The following DNAAF9 variants were observed in gnomAD, a reference collection of about 807,000 sequenced individuals.
DNAAF9 encodes dynein axonemal assembly factor 9.
DNAAF9 carries 90 observed loss-of-function variants against 167.0 expected under a neutral mutation model. The observed-to-expected ratio is 0.54, with a 90% CI of 0.45 to 0.64. DNAAF9 has a LOEUF of 0.64. DNAAF9 is among the 30% of genes least tolerant of loss of function. DNAAF9 has a pLI of 0.00. For missense variants in DNAAF9, 1,315 were observed against 1,442.2 expected, an observed-to-expected ratio of 0.91 and a Z score of 1.43; for synonymous variants, 491 against 508.8, an observed-to-expected ratio of 0.96 and a Z score of 0.47.
At chr20:3,334,933 T>C (rs918908535) in intron 10 of DNAAF9, among the ~76,000 whole-genome samples, 3 of 152,212 alleles carry the variant, frequency 2.0e-5, no homozygotes, top group African/African-American at 7.2e-5. Flanking sequence ...AAGGCAAAGA[T>C]CATGACTATC....
intron 28 of DNAAF9, among the ~76,000 whole-genome samples, chr20:3,279,351 G>T (rs993957056): frequency 2.0e-5 from 3 of 152,198 alleles, no homozygotes; most frequent in African/African-American, 7.2e-5. Context: ...AAGCTGCCAT[G>T]CTTCTCTTTA....
intron 29 of DNAAF9, among the ~76,000 whole-genome samples, chr20:3,276,078 T>C (rs924817808): frequency 2.0e-5 from 3 of 152,204 alleles, no homozygotes; most frequent in Non-Finnish European, 4.4e-5. Context: ...GGCTGCAACA[T>C]AGTCCTTTTC....
At chr20:3,354,875 A>C (rs150967885) in intron 7 of DNAAF9, among the ~76,000 whole-genome samples, 2 of 152,338 alleles carry the variant, frequency 1.3e-5, no homozygotes, top group Middle Eastern at 3.4e-3. Context: ...AGAAGTCAGA[A>C]AACTAGGAAA....
chr20:3,340,453 C>CCCCCCCCCCCA, intron 10 of DNAAF9, 51 bp downstream of exon 10: 1 of 1,001,258 alleles, frequency 1.0e-6, no homozygotes, highest in Non-Finnish European at 1.4e-6. Flanking sequence ...CACCCCACCC[C>CCCCCCCCCCCA]CACAACTTGA....
chr20:3,268,901 T>C (rs1365713425), intron 30 of DNAAF9, among the ~76,000 whole-genome samples: 1 of 84,922 alleles, frequency 1.2e-5, no homozygotes, highest in African/African-American at 4.5e-5. Context: ...ATGTTACTTT[T>C]TTTTTTTTTT....
chr20:3,283,336 C>A (rs868627117), intron 27 of DNAAF9, among the ~76,000 whole-genome samples: 10 of 152,300 alleles, frequency 6.6e-5, no homozygotes, highest in African/African-American at 2.4e-4. Flanking sequence ...TAAAAAGGCC[C>A]TTGGCTTTAT....
At chr20:3,282,842 A>G (rs2068785585) in intron 27 of DNAAF9, among the ~76,000 whole-genome samples, 1 of 152,144 alleles carries the variant, frequency 6.6e-6, no homozygotes, top group Admixed American at 6.5e-5. Context: ...CTCAGGCGGC[A>G]TCTTACGGAC....
chr20:3,354,527 C>T (rs561139531), intron 7 of DNAAF9, among the ~76,000 whole-genome samples: 65 of 152,296 alleles, frequency 4.3e-4, no homozygotes, highest in African/African-American at 1.5e-3. Context: ...AGGCAAGGAC[C>T]GGCTTAAATA....
At chr20:3,366,219 A>C (rs983853321) in intron 6 of DNAAF9, among the ~76,000 whole-genome samples, 1 of 152,210 alleles carries the variant, frequency 6.6e-6, no homozygotes, top group Non-Finnish European at 1.5e-5. Context: ...CTTAAATAAT[A>C]AGCCTTGAAA....
chr20:3,360,973 C>T (rs185281989), intron 6 of DNAAF9, among the ~76,000 whole-genome samples: 4 of 152,260 alleles, frequency 2.6e-5, no homozygotes, highest in East Asian at 3.9e-4. Context: ...CTAAAAACAA[C>T]GCATCAGCCA....
intron 20 of DNAAF9, among the ~76,000 whole-genome samples, chr20:3,313,804 A>G (rs975320897): frequency 5.3e-5 from 8 of 152,206 alleles, no homozygotes; most frequent in Non-Finnish European, 1.2e-4. Flanking sequence ...CTTTCACTGA[A>G]AAAGGAAGGA....
intron 6 of DNAAF9, 103 bp from the exon 7 acceptor site, chr20:3,359,696 T>G: frequency 1.3e-6 from 1 of 745,720 alleles, no homozygotes; most frequent in South Asian, 1.9e-5. Context: ...TATAAACTAG[T>G]GTGAACAGAA....
intron 27 of DNAAF9, among the ~76,000 whole-genome samples, chr20:3,286,440 A>T (rs1600708136): frequency 6.6e-6 from 1 of 152,306 alleles, no homozygotes; most frequent in East Asian, 1.9e-4. Flanking sequence ...TGCTGAATTC[A>T]CCTCCAGGTC....
chr20:3,318,440 C>A, intron 16 of DNAAF9, 40 bp from the exon 17 acceptor site: 1 of 992,054 alleles, frequency 1.0e-6, no homozygotes, highest in Non-Finnish European at 1.6e-6. Flanking sequence ...GTTACCAGCC[C>A]AAAACTTTCA....
At chr20:3,300,287 T>TCAC (rs777417837) in intron 21 of DNAAF9, among the ~76,000 whole-genome samples, 2 of 140,666 alleles carry the variant, frequency 1.4e-5, no homozygotes, top group African/African-American at 2.5e-5. Flanking sequence ...CAGTATTGTC[T>TCAC]TAATAGTAAG....
chr20:3,297,067 T>C (rs111836642), intron 22 of DNAAF9, 118 bp from the exon 23 acceptor site: 14 of 660,324 alleles, frequency 2.1e-5, no homozygotes, highest in African/African-American at 7.2e-5. Flanking sequence ...AAAATGACTA[T>C]AACAAACAAG....
chr20:3,341,000 G>C (rs182148246), intron 9 of DNAAF9, among the ~76,000 whole-genome samples: 139 of 152,268 alleles, frequency 9.1e-4, no homozygotes, highest in African/African-American at 3.2e-3. Flanking sequence ...AGTCTTAAAG[G>C]ATGACAGTTA....
chr20:3,269,328 C>T (rs2068550381), intron 30 of DNAAF9, among the ~76,000 whole-genome samples: 1 of 151,950 alleles, frequency 6.6e-6, no homozygotes, highest in African/African-American at 2.4e-5. Flanking sequence ...TCCTGCCCAG[C>T]CTCCTGAGTA....
chr20:3,253,839 T>A lies in DNAAF9; in HGVS notation c.3328-20A>T, dbSNP rs766786807. On this transcript the variant is annotated intron_variant, in intron 35 of 36. Transcript: ENST00000252032. ...TTTTACCTGTAGGAGAAAAGAGACC[T>A]GTAATAATTATCTGACTACTTTCTA... 71 of 1,321,834 alleles carry A rather than the reference T, an allele frequency of 5.4e-5. No individual in the cohort carries two copies. Among genetic ancestry groups the A allele is most frequent in the Non-Finnish European group, 7.7e-5 (70 of 914,066 alleles). 81.9% of individuals were successfully genotyped at this position (1,321,834 alleles called of 1,614,324 possible).
Sources: allele counts gnomAD v4.1 joint callset (sites outside exome capture counted in the v4.1 genomes callset), GRCh38; gene constraint gnomAD v4.1.1; transcripts MANE v1.5; gene names NCBI Gene and HGNC (gene_info 2026-07-23, HGNC 2026-07-21).